The following TTI1 variants were observed in gnomAD, a reference collection of about 807,000 sequenced individuals.
TTI1 encodes TELO2 interacting protein 1.
In TTI1, 52 loss-of-function variants were observed where a neutral mutation model predicts 85.4. The ratio of observed to expected loss-of-function variants is 0.61; its 90% confidence interval spans 0.49 to 0.77. TTI1 has a LOEUF of 0.77. Ranked by LOEUF, TTI1 falls within the 30% of genes least tolerant of loss-of-function variation. The probability of loss-of-function intolerance (pLI) is 0.00; values close to 1 mark genes in which losing one functional copy is unlikely to be tolerated. For synonymous variants in TTI1, 512 were observed against 503.9 expected (o/e 1.02, Z -0.22); for missense variants, 1,173 against 1,296.0 (o/e 0.91, Z 1.46).
intron 1 of TTI1, among the ~76,000 whole-genome samples, chr20:38,018,123 A>G (rs746169587): frequency 2.4e-4 from 36 of 152,236 alleles, no homozygotes; most frequent in Non-Finnish European, 5.0e-4. Flanking sequence ...CTAGTAATCA[A>G]GAGAAAAAAC....
intron 1 of TTI1, among the ~76,000 whole-genome samples, chr20:38,021,014 G>A (rs1401506274): frequency 6.6e-6 from 1 of 152,102 alleles, no homozygotes; most frequent in Non-Finnish European, 1.5e-5. Context: ...ATACCCAATA[G>A]AAATGTACAT....
intron 2 of TTI1, among the ~76,000 whole-genome samples, chr20:38,011,009 T>C (rs561502729): frequency 7.2e-5 from 11 of 152,340 alleles, no homozygotes; most frequent in South Asian, 6.2e-4. Context: ...CTGTACTGGA[T>C]AGAACGAATA....
intron 1 of TTI1, among the ~76,000 whole-genome samples, chr20:38,016,370 G>A (rs919908949): frequency 6.6e-6 from 1 of 152,212 alleles, no homozygotes; most frequent in Admixed American, 6.5e-5. Flanking sequence ...GAAGGCAATG[G>A]CCTAGGGCTC....
chr20:37,999,227 G>A lies in TTI1; in HGVS notation c.2754C>T (p.Leu918=). ...HQAWPSLVHR[L]TRDAPLAVLR... ...GCACTGCCAGGGGGGCGTCCCGTGT[G>A]AGTCGGTGAACGAGCGAGGGCCAGG... Residue 918 remains leucine (L), a synonymous_variant, in exon 5 of 8, where the codon CTC becomes CTT. Transcript: ENST00000373447. The A allele has an allele frequency of 6.6e-7, 1 of 1,515,060 alleles. No individual in the cohort carries two copies. Among genetic ancestry groups the A allele is most frequent in the Non-Finnish European group, 8.9e-7 (1 of 1,129,662 alleles). 93.9% of individuals were successfully genotyped at this position (1,515,060 alleles called of 1,614,324 possible). A position where few individuals can be genotyped will look rare whatever the true frequency, so the allele number is the denominator to read the frequency against.
At chr20:38,007,785 G>A (rs970649373) in intron 2 of TTI1, among the ~76,000 whole-genome samples, 1 of 152,238 alleles carries the variant, frequency 6.6e-6, no homozygotes, top group African/African-American at 2.4e-5. Context: ...GGCAGTATCA[G>A]AGAGCAAATG....
At position 38,013,790 on chromosome 20, in the gene TTI1, C is replaced by T. The variant is rs752022045; in HGVS notation, c.27G>A (p.Glu9=). The T allele has an allele frequency of 6.2e-7, 1 of 1,613,626 alleles. No individual in the cohort carries two copies. The highest frequency in any genetic ancestry group is 8.5e-7 in the Non-Finnish European group (1 of 1,180,026). Residue 9 remains glutamate, a synonymous_variant, in exon 2 of 8, where the codon GAG becomes GAA. Coordinates refer to ENST00000373447, the MANE Select transcript of TTI1 (RefSeq NM_001303457.2). ...AGACTGGACGTAAGACACCAAAGGC[C>T]TCCTCAGGAGTATCAAAAACTGCCA... MAVFDTPE[E]AFGVLRPVCV...
chr20:38,010,523 T>C (rs2122574843), intron 2 of TTI1, among the ~76,000 whole-genome samples: 1 of 142,126 alleles, frequency 7.0e-6, no homozygotes, highest in East Asian at 2.0e-4. Flanking sequence ...CAGGCTGGAG[T>C]GCAGTGGCGC....
In TTI1 at chr20:37,996,822, C is replaced by G. The variant is rs760307030; in HGVS notation, c.2925G>C (p.Ser975=). The G allele has an allele frequency of 6.2e-7, 1 of 1,613,896 alleles. No individual in the cohort carries two copies. The highest frequency in any genetic ancestry group is 8.5e-7 in the Non-Finnish European group (1 of 1,179,934). ...GCTGCAACTTGAAGGCCAGCGTGTG[C>G]GAGTAAACTGGTCCAGCCCTGGCAC... is the stretch of plus-strand genomic sequence containing the variant. ...PISARAGPVY[S]HTLAFKLQLA... is the part of the protein sequence containing the mutation. Residue 975 remains serine, a synonymous_variant, in exon 6 of 8, where the codon TCG becomes TCC. Transcript: ENST00000373447.
intron 1 of TTI1, among the ~76,000 whole-genome samples, chr20:38,017,603 T>C (rs1327587555): frequency 6.6e-6 from 1 of 152,158 alleles, no homozygotes; most frequent in Non-Finnish European, 1.5e-5. Flanking sequence ...GACCTCCAAA[T>C]ACCCAACTTC....
chr20:38,000,970 A>G (rs1439250598), intron 4 of TTI1, among the ~76,000 whole-genome samples: 1 of 152,172 alleles, frequency 6.6e-6, no homozygotes, highest in East Asian at 1.9e-4. Flanking sequence ...AGGGTTTTGC[A>G]CCGAGTAGGT....
intron 1 of TTI1, among the ~76,000 whole-genome samples, chr20:38,017,367 G>C (rs1332870402): frequency 1.3e-5 from 2 of 152,018 alleles, no homozygotes; most frequent in African/African-American, 2.4e-5. Flanking sequence ...TGGACTAACA[G>C]ACTGAGAATG....
chr20:38,030,540 C>A (rs2073893378), intron 1 of TTI1, among the ~76,000 whole-genome samples: 1 of 151,628 alleles, frequency 6.6e-6, no homozygotes, highest in Admixed American at 6.6e-5. Context: ...CACACACACA[C>A]ACACACACAC....
At chr20:38,008,010 C>T (rs1243055542) in intron 2 of TTI1, among the ~76,000 whole-genome samples, 1 of 152,202 alleles carries the variant, frequency 6.6e-6, no homozygotes, top group East Asian at 1.9e-4. Flanking sequence ...AATGTCTTTG[C>T]TCACAAATGG....
At chr20:38,011,361 G>C (rs1175915917) in intron 2 of TTI1, among the ~76,000 whole-genome samples, 154 bp downstream of exon 2, 1 of 152,180 alleles carries the variant, frequency 6.6e-6, no homozygotes, top group Non-Finnish European at 1.5e-5. Flanking sequence ...AAGATAAACA[G>C]TGAAACCCCC....
chr20:38,014,756 C>A (rs2073656734), intron 1 of TTI1, among the ~76,000 whole-genome samples: 1 of 151,980 alleles, frequency 6.6e-6, no homozygotes, highest in Admixed American at 6.5e-5. Flanking sequence ...AACTCAATAT[C>A]CAAGAGTCTG....
chr20:38,000,138 T>C (rs1345363089), intron 4 of TTI1, among the ~76,000 whole-genome samples: 1 of 152,104 alleles, frequency 6.6e-6, no homozygotes, highest in African/African-American at 2.4e-5. Context: ...GACTGGATAC[T>C]GGGGAGGGGA....
chr20:38,028,943 G>C (rs1227886021), intron 1 of TTI1, among the ~76,000 whole-genome samples: 1 of 152,166 alleles, frequency 6.6e-6, no homozygotes. Context: ...CTAGGCTCAA[G>C]TGATCCTCCT....
rs1410062635 is a variant in TTI1, at chr20:38,013,354, C to T, written c.463G>A (p.Val155Ile). The T allele has an allele frequency of 1.9e-6, 3 of 1,613,988 alleles. No homozygotes were observed. The African/African-American group carries it at 4.0e-5, about 22-fold the overall frequency. ...TCTGCAAGGCCTAACAGTAAAGATA[C>T]AGCAAATCCTAAACGTGGCAGAATG... Reference protein sequence around the residue: ...PSILPRLGFAVSLLLGLAEQE... With the variant: ...PSILPRLGFAISLLLGLAEQE... The change falls in exon 2 of 8, where the codon GTA (valine) becomes ATA (isoleucine). Residue 155 changes from valine (V) to isoleucine (I), a missense_variant. Coordinates refer to ENST00000373447, the MANE Select transcript of TTI1 (RefSeq NM_001303457.2).
intron 1 of TTI1, among the ~76,000 whole-genome samples, chr20:38,027,088 A>T (rs143696894): frequency 6.6e-6 from 1 of 152,236 alleles, no homozygotes; most frequent in Admixed American, 6.5e-5. Flanking sequence ...GAAGGCTACA[A>T]AAAGAAAGCA....
Sources: allele counts gnomAD v4.1 joint callset (sites outside exome capture counted in the v4.1 genomes callset), GRCh38; gene constraint gnomAD v4.1.1; transcripts MANE v1.5; gene names NCBI Gene and HGNC (gene_info 2026-07-23, HGNC 2026-07-21).